SCTR: variants seen among roughly 807,000 people sequenced by gnomAD.
SCTR encodes pancreatic secretin receptor.
A neutral mutation model predicts 60.8 loss-of-function variants in SCTR; 56 were observed. The ratio of observed to expected loss-of-function variants is 0.92; its 90% CI spans 0.74 to 1.15. The LOEUF (loss-of-function observed/expected upper bound fraction) is 1.15, where lower values mean the gene tolerates loss of function less well. SCTR is among the 50% of genes most tolerant of loss of function. The pLI, the probability that SCTR is intolerant of heterozygous loss-of-function variation, is 0.00. For synonymous variants in SCTR, 202 were observed against 217.0 expected (o/e 0.93, Z 0.61); for missense variants, 562 against 550.4 (o/e 1.02, Z -0.21).
chr2:119,485,666 G>A (rs1455695991), intron 2 of SCTR, among the ~76,000 whole-genome samples: 1 of 152,134 alleles, frequency 6.6e-6, no homozygotes, highest in Admixed American at 6.5e-5. Context: ...TCACTTCATC[G>A]GCTGATGGGG....
intron 4 of SCTR, among the ~76,000 whole-genome samples, chr2:119,468,212 T>C (rs1245357662): frequency 1.3e-5 from 2 of 152,202 alleles, no homozygotes; most frequent in Non-Finnish European, 2.9e-5. Flanking sequence ...ATAAGGGCTA[T>C]TTATAACCAA....
chr2:119,478,661 G>T, intron 3 of SCTR, 150 bp downstream of exon 3: 1 of 687,152 alleles, frequency 1.5e-6, no homozygotes, highest in Non-Finnish European at 2.4e-6. Flanking sequence ...TCCCAAGCAA[G>T]GCTTCTAATC....
intron 1 of SCTR, among the ~76,000 whole-genome samples, chr2:119,517,418 C>G (rs1222557352): frequency 6.6e-6 from 1 of 152,138 alleles, no homozygotes; most frequent in Non-Finnish European, 1.5e-5. Flanking sequence ...CCTCAGCCTC[C>G]CCAAGTGCTG....
At chr2:119,492,442 A>C (rs964027529) in intron 2 of SCTR, among the ~76,000 whole-genome samples, 1 of 152,248 alleles carries the variant, frequency 6.6e-6, no homozygotes, top group Non-Finnish European at 1.5e-5. Flanking sequence ...CACCAACTCC[A>C]TAAAATAGAT....
intron 7 of SCTR, among the ~76,000 whole-genome samples, chr2:119,460,388 A>C (rs1683553453): frequency 6.6e-6 from 1 of 151,926 alleles, no homozygotes; most frequent in South Asian, 2.1e-4. Context: ...GGATGAATGG[A>C]TAGAGGAATG....
intron 2 of SCTR, among the ~76,000 whole-genome samples, chr2:119,493,713 C>T (rs1173891755): frequency 6.8e-6 from 1 of 146,630 alleles, no homozygotes; most frequent in Non-Finnish European, 1.5e-5. Context: ...GCCATTTCAA[C>T]TCACTGCAAC....
chr2:119,521,855 T>G (rs77587267), intron 1 of SCTR, among the ~76,000 whole-genome samples: 4,270 of 151,862 alleles, frequency 0.028, 185 homozygotes, highest in African/African-American at 0.094. Context: ...CCAAAGTAGG[T>G]CAGTTCCACT....
intron 1 of SCTR, among the ~76,000 whole-genome samples, chr2:119,499,271 T>C (rs1048370212): frequency 7.2e-5 from 11 of 152,080 alleles, no homozygotes; most frequent in South Asian, 6.2e-4. Context: ...AAATCTACAA[T>C]TTTAGTTGGA....
chr2:119,497,033 A>G (rs958285639), intron 1 of SCTR, among the ~76,000 whole-genome samples: 1 of 152,170 alleles, frequency 6.6e-6, no homozygotes, highest in African/African-American at 2.4e-5. Flanking sequence ...CCAACCCATG[A>G]TATCAGTGGA....
At chr2:119,512,108 T>C (rs937350800) in intron 1 of SCTR, among the ~76,000 whole-genome samples, 1 of 152,218 alleles carries the variant, frequency 6.6e-6, no homozygotes, top group Non-Finnish European at 1.5e-5. Flanking sequence ...AGCATTTCAA[T>C]CTGAAGACTT....
At chr2:119,491,880 C>A in intron 2 of SCTR, among the ~76,000 whole-genome samples, 1 of 152,220 alleles carries the variant, frequency 6.6e-6, no homozygotes, top group East Asian at 1.9e-4. Flanking sequence ...GCAAAGGCTG[C>A]CCACTGCCAT....
rs938966317 is a variant in SCTR, at chr2:119,444,455, A to G, written c.1140+2304T>C. 1.0e-4 allele frequency among the ~76,000 whole-genome samples: 12 copies of G among 120,370 alleles called. 1 individual carries two copies. Among genetic ancestry groups the G allele is most frequent in the Non-Finnish European group, 1.3e-4 (8 of 60,902 alleles). 79.0% of individuals were successfully genotyped at this position (120,370 alleles called of 152,430 possible). A position where few individuals can be genotyped will look rare whatever the true frequency, so the allele number is the denominator to read the frequency against. On this transcript the variant is annotated intron_variant, in intron 11 of 12. Transcript: ENST00000019103. ...AATATACACATATATATACGTACGTATATATATACACATATATACGTACGT... is the reference window on the plus strand; with the variant it reads ...AATATACACATATATATACGTACGTGTATATATACACATATATACGTACGT...
At chr2:119,447,772 A>G (rs1192243759) in intron 10 of SCTR, among the ~76,000 whole-genome samples, 1 of 152,190 alleles carries the variant, frequency 6.6e-6, no homozygotes, top group Non-Finnish European at 1.5e-5. Context: ...AGGTTTCACC[A>G]TCTTGACCAG....
At chr2:119,470,731 C>T (rs1307605887) in intron 4 of SCTR, among the ~76,000 whole-genome samples, 4 of 152,164 alleles carry the variant, frequency 2.6e-5, no homozygotes, top group Admixed American at 6.6e-5. Context: ...GGCAGAGTCT[C>T]GCTCTGTCGC....
intron 7 of SCTR, among the ~76,000 whole-genome samples, chr2:119,454,854 CAA>C (rs34210976): frequency 6.9e-6 from 1 of 145,148 alleles, no homozygotes. Context: ...AACTCCATCT[CAA>C]AAAAAAAAAA....
In SCTR at chr2:119,446,787, A is replaced by T; in HGVS notation, c.1112T>A (p.Phe371Tyr). The T allele has an allele frequency of 6.4e-7, 1 of 1,563,180 alleles. No individual in the cohort carries two copies. Among genetic ancestry groups the T allele is most frequent in the Middle Eastern group, 1.7e-4 (1 of 5,888 alleles). The change falls in exon 11 of 13, where the codon TTT becomes TAT. Residue 371 changes from phenylalanine (F) to tyrosine (Y), a missense_variant. Coordinates refer to ENST00000019103, the MANE Select transcript of SCTR (RefSeq NM_002980.3). Reference sequence around the variant, plus strand: ...GAATGAGCCAAGGGCTAGTTCAAAAAACAGCTGGATCTCCATAGCGTCCTC... The same window carrying T: ...GAATGAGCCAAGGGCTAGTTCAAAATACAGCTGGATCTCCATAGCGTCCTC... Reference protein sequence around the residue: ...SPEDAMEIQLFFELALGSFQG... With the variant: ...SPEDAMEIQLYFELALGSFQG...
At chr2:119,451,832 C>T (rs1319010044) in intron 9 of SCTR, among the ~76,000 whole-genome samples, 178 bp downstream of exon 9, 2 of 152,238 alleles carry the variant, frequency 1.3e-5, no homozygotes, top group East Asian at 1.9e-4. Flanking sequence ...CACTCCCACA[C>T]ATTCTGCAGG....
chr2:119,474,213 C>G (rs919650178), intron 3 of SCTR, among the ~76,000 whole-genome samples: 2 of 152,226 alleles, frequency 1.3e-5, no homozygotes, highest in African/African-American at 2.4e-5. Context: ...CAGTGGCTTC[C>G]CCGCCTCCCC....
intron 2 of SCTR, among the ~76,000 whole-genome samples, chr2:119,493,735 G>A (rs1030088146): frequency 6.7e-6 from 1 of 149,382 alleles, no homozygotes; most frequent in African/African-American, 2.4e-5. Context: ...TCTGCATCCC[G>A]GGTTCAAGCG....
Sources: gnomAD v4.1 joint callset for allele counts (sites outside exome capture counted in the v4.1 genomes callset) on GRCh38, gnomAD v4.1.1 for gene constraint, MANE v1.5 for transcripts, NCBI Gene and HGNC (gene_info 2026-07-23, HGNC 2026-07-21) for gene names.